Variants in NAP1L1 observed in about 807,000 individuals in gnomAD.
NAP1L1 encodes nucleosome assembly protein 1-like 1.
In NAP1L1, 9 loss-of-function variants were observed where a neutral mutation model predicts 58.9. That is an observed-to-expected ratio of 0.15 (90% confidence interval 0.09 to 0.27). The LOEUF (loss-of-function observed/expected upper bound fraction) is 0.27, where lower values mean the gene tolerates loss of function less well. Among genes scored for constraint, NAP1L1 ranks in the 10% least tolerant of loss-of-function variants. NAP1L1 has a pLI of 1.00. For synonymous variants in NAP1L1, 130 were observed against 138.3 expected, an observed-to-expected ratio of 0.94 and a Z score of 0.42; for missense variants, 302 against 458.8, an observed-to-expected ratio of 0.66 and a Z score of 3.12.
Position 76,053,880 on chromosome 12 carries a change from G to A in NAP1L1, c.660C>T (p.Pro220=). 2 of 1,595,644 alleles carry A rather than the reference G, an allele frequency of 1.3e-6. No homozygotes were observed. The highest frequency in any genetic ancestry group is 1.7e-4 in the Middle Eastern group (1 of 6,014). ...GCACTTCATTTGTAAAATATTCATTGGGTTCAAAGTGAAATTCTAAGACAA... is the reference window on the plus strand; with the variant it reads ...GCACTTCATTTGTAAAATATTCATTAGGTTCAAAGTGAAATTCTAAGACAA... ...MSFVLEFHFE[P]NEYFTNEVLT... The change falls in exon 9 of 15, where the codon CCC becomes CCT. Residue 220 remains proline, a synonymous_variant. Transcript: ENST00000618691.
rs1265134742 is a variant in NAP1L1 at position 76,053,915 on chromosome 12, G to GA, written c.631-7dup. 27 of 1,593,502 alleles carry GA rather than the reference G, an allele frequency of 1.7e-5. No individual in the cohort carries two copies. Among genetic ancestry groups the GA allele is most frequent in the Non-Finnish European group, 2.1e-5 (25 of 1,174,454 alleles). On this transcript the variant is annotated splice_polypyrimidine_tract_variant and splice_region_variant and intron_variant, in intron 8 of 14. Coordinates refer to ENST00000618691, the MANE Select transcript of NAP1L1 (RefSeq NM_004537.7). ...TGAAATTCTAAGACAAAACTCTGGGGAGAGGAAGCATAAAAATCAGTTAAA... is the reference window on the plus strand; with the variant it reads ...TGAAATTCTAAGACAAAACTCTGGGGAAGAGGAAGCATAAAAATCAGTTAAA...
chr12:76,073,157 T>TTTTTTTTTA (rs1565743420), intron 2 of NAP1L1, among the ~76,000 whole-genome samples: 1 of 150,502 alleles, frequency 6.6e-6, no homozygotes, highest in African/African-American at 2.4e-5. Context: ...CACTCATCTG[T>TTTTTTTTTA]TTTTTTTTAA....
chr12:76,061,100 T>C (rs1391713160), intron 4 of NAP1L1: 1 of 406,358 alleles, frequency 2.5e-6, no homozygotes, highest in Admixed American at 3.0e-5. Context: ...GTCTCAAAAA[T>C]AAATAACAGC....
At chr12:76,078,054 T>C (rs1187453405) in intron 1 of NAP1L1, among the ~76,000 whole-genome samples, 1 of 143,704 alleles carries the variant, frequency 7.0e-6, no homozygotes, top group Non-Finnish European at 1.5e-5. Flanking sequence ...TTGTTAAAAA[T>C]CTTAAAAGCA....
Position 76,058,196 on chromosome 12 carries a change from T to TAC in NAP1L1, c.429+1601_429+1602insGT. On this transcript the variant is annotated intron_variant, in intron 6 of 14. Coordinates refer to ENST00000618691, the MANE Select transcript of NAP1L1 (RefSeq NM_004537.7). ...ATGGCCAAAGGGAGAGAGGCCTACA[T>TAC]ATATATATATATATATATATATATA... The TAC allele has an allele frequency of 4.3e-4, 4 of 9,216 alleles. No homozygotes were observed. In the South Asian group the frequency reaches 0.044, roughly 102 times the overall value. The allele number at this position is 9,216 out of a possible 1,614,324, so 0.6% of individuals were successfully genotyped here. A position where few individuals can be genotyped will look rare whatever the true frequency, so the allele number is the denominator to read the frequency against.
At chr12:76,057,077 G>A (rs1949139656) in intron 6 of NAP1L1, 1 of 181,390 alleles carries the variant, frequency 5.5e-6, no homozygotes, top group African/African-American at 2.4e-5. Flanking sequence ...GAGGTGCGAA[G>A]ATTGCTTGAA....
intron 4 of NAP1L1, among the ~76,000 whole-genome samples, chr12:76,061,419 T>C (rs983215802): frequency 2.0e-4 from 31 of 152,222 alleles, no homozygotes; most frequent in Admixed American, 1.8e-3. Flanking sequence ...TTAAGGATAA[T>C]AGCCTCTAGC....
chr12:76,056,219 A>C, intron 6 of NAP1L1, 58 bp from the exon 7 acceptor site: 2 of 1,543,994 alleles, frequency 1.3e-6, no homozygotes, highest in Non-Finnish European at 1.7e-6. Flanking sequence ...ATGATAAAGT[A>C]GCAAAGGTAT....
intron 7 of NAP1L1, 55 bp from the exon 8 acceptor site, chr12:76,055,145 C>T (rs1323897820): frequency 3.2e-6 from 4 of 1,231,150 alleles, no homozygotes; most frequent in Admixed American, 2.0e-5. Context: ...GGACTGTGTT[C>T]TGTTACTACA....
chr12:76,080,150 T>C (rs1251567237), intron 1 of NAP1L1, among the ~76,000 whole-genome samples: 1 of 152,218 alleles, frequency 6.6e-6, no homozygotes, highest in Non-Finnish European at 1.5e-5. Context: ...CAGGACTGCA[T>C]ATACAACAGT....
intron 4 of NAP1L1, among the ~76,000 whole-genome samples, chr12:76,064,359 A>G (rs1949562097): frequency 6.6e-6 from 1 of 152,246 alleles, no homozygotes; most frequent in Admixed American, 6.5e-5. Flanking sequence ...ACCAATAAGC[A>G]GAAATAAAGA....
At chr12:76,055,539 G>A (rs900588712) in intron 7 of NAP1L1, among the ~76,000 whole-genome samples, 2 of 152,188 alleles carry the variant, frequency 1.3e-5, no homozygotes, top group Non-Finnish European at 2.9e-5. Flanking sequence ...AGGGCAACAT[G>A]TACTACTACA....
At chr12:76,054,037 ATCT>A in intron 8 of NAP1L1, 128 bp from the exon 9 acceptor site, 1 of 1,126,788 alleles carries the variant, frequency 8.9e-7, no homozygotes, top group Non-Finnish European at 1.2e-6. Flanking sequence ...CTGAAATACA[ATCT>A]TCTTTTTGAG....
Position 76,043,992 on chromosome 12 carries a change from T to C in NAP1L1, c.*4437A>G, listed in dbSNP as rs1948574881. The C allele has an allele frequency of 6.6e-6, 1 of 152,110 alleles. No homozygotes were observed. The highest frequency in any genetic ancestry group is 6.6e-5 in the Admixed American group (1 of 15,262). 9.4% of individuals were successfully genotyped at this position (152,110 alleles called of 1,614,324 possible). On this transcript the variant is annotated 3_prime_UTR_variant, in exon 15 of 15. Transcript: ENST00000618691. ...TCTTTTTGGCTTTAAGTTTAAAACA[T>C]GTAAGAAACTGGCTGGGCGTGGTGG...
At chr12:76,054,055 A>C (rs779851326) in intron 8 of NAP1L1, 146 bp from the exon 9 acceptor site, 1 of 1,004,366 alleles carries the variant, frequency 1.0e-6, no homozygotes, top group Non-Finnish European at 1.4e-6. Flanking sequence ...TTTGAGACTG[A>C]GTCTTGCATT....
In NAP1L1 at chr12:76,049,180, G is replaced by T. The variant is rs925693297; in HGVS notation, c.1140+20C>A. The stretch of plus-strand genomic sequence containing the variant: ...TTAGCTATCTTAAATTTAATAGAAA[G>T]CAGCACTAATTTTGCTCACCTTTGG... On this transcript the variant is annotated intron_variant, in intron 14 of 14. Transcript: ENST00000618691. 9.4e-6 allele frequency: 15 copies of T among 1,601,082 alleles called. No homozygotes were observed. Among genetic ancestry groups the T allele is most frequent in the Non-Finnish European group, 1.3e-5 (15 of 1,168,762 alleles).
Position 76,046,880 on chromosome 12 carries a change from C to CA in NAP1L1, c.*1548dup, listed in dbSNP as rs945456556. 6.6e-6 allele frequency: 1 copy of CA among 152,370 alleles called. No individual in the cohort carries two copies. The highest frequency in any genetic ancestry group is 1.5e-5 in the Non-Finnish European group (1 of 67,898). The allele number at this position is 152,370 out of a possible 1,614,324, so 9.4% of individuals were successfully genotyped here. On this transcript the variant is annotated 3_prime_UTR_variant, in exon 15 of 15. Transcript: ENST00000618691. Reference sequence around the variant, plus strand: ...CTTTTGTCAAAAATAGTCTTATTTCCACTTTAAGTCTCATGACTACAATAC... The same window carrying CA: ...CTTTTGTCAAAAATAGTCTTATTTCCAACTTTAAGTCTCATGACTACAATAC...
At chr12:76,057,297 A>G (rs1949155358) in intron 6 of NAP1L1, 1 of 311,674 alleles carries the variant, frequency 3.2e-6, no homozygotes, top group Non-Finnish European at 6.2e-6. Context: ...CTCTTAAACA[A>G]AAAAACTATA....
At chr12:76,057,744 T>C (rs1949185635) in intron 6 of NAP1L1, 20 of 1,549,486 alleles carry the variant, frequency 1.3e-5, no homozygotes, top group Non-Finnish European at 1.7e-5. Flanking sequence ...CAAAACTTAC[T>C]GTGGAAAATT....
Sources: allele counts gnomAD v4.1 joint callset (sites outside exome capture counted in the v4.1 genomes callset), GRCh38; gene constraint gnomAD v4.1.1; transcripts MANE v1.5; gene names NCBI Gene and HGNC (gene_info 2026-07-23, HGNC 2026-07-21).